Variants in NEGR1 observed in about 807,000 individuals in gnomAD.
NEGR1 encodes the protein neuronal growth regulator 1, also known as IgLON family member 4.
In NEGR1, 10 loss-of-function variants were observed where a neutral mutation model predicts 40.9. That is an observed-to-expected ratio of 0.24 (90% CI 0.15 to 0.42). The LOEUF (loss-of-function observed/expected upper bound fraction) is 0.42. NEGR1 is among the 10% of genes least tolerant of loss of function. The pLI, the probability that NEGR1 is intolerant of heterozygous loss-of-function variation, is 1.00. For missense variants in NEGR1, 352 were observed against 438.9 expected (o/e 0.80, Z 1.77); for synonymous variants, 185 against 166.8 (o/e 1.11, Z -0.84).
chr1:72,217,978 T>C (rs187393524), intron 1 of NEGR1, among the ~76,000 whole-genome samples: 9 of 151,972 alleles, frequency 5.9e-5, no homozygotes, highest in African/African-American at 1.7e-4. Flanking sequence ...AGCTGAGTAA[T>C]TTATAGTTTT....
intron 4 of NEGR1, among the ~76,000 whole-genome samples, chr1:71,690,223 C>T (rs1402770341): frequency 6.6e-6 from 1 of 151,840 alleles, no homozygotes; most frequent in Non-Finnish European, 1.5e-5. Flanking sequence ...ATGGCGAAGA[C>T]CCAAGGGGAT....
intron 1 of NEGR1, among the ~76,000 whole-genome samples, chr1:72,162,356 T>C (rs1370891937): frequency 6.6e-6 from 1 of 151,932 alleles, no homozygotes; most frequent in African/African-American, 2.4e-5. Context: ...TCCCAGCTAC[T>C]TGGGAGGCTG....
chr1:71,898,964 CATATAT>C (rs56183950), intron 2 of NEGR1, among the ~76,000 whole-genome samples: 2 of 95,936 alleles, frequency 2.1e-5, no homozygotes, highest in Non-Finnish European at 3.8e-5. Flanking sequence ...ATATATATAG[CATATAT>C]ATATATATAG....
At chr1:72,185,514 T>A (rs939758445) in intron 1 of NEGR1, among the ~76,000 whole-genome samples, 3 of 151,850 alleles carry the variant, frequency 2.0e-5, no homozygotes, top group African/African-American at 7.2e-5. Context: ...CCAGGAGAGC[T>A]GTAGAATGGC....
chr1:72,030,732 T>A (rs1279831729), intron 1 of NEGR1, among the ~76,000 whole-genome samples: 1 of 152,100 alleles, frequency 6.6e-6, no homozygotes, highest in Non-Finnish European at 1.5e-5. Context: ...GCAAATGTAG[T>A]TACAGTCATT....
chr1:71,566,971 T>C (rs1314545963), intron 6 of NEGR1, among the ~76,000 whole-genome samples: 3 of 152,090 alleles, frequency 2.0e-5, no homozygotes, highest in African/African-American at 7.2e-5. Flanking sequence ...TATGATCTGT[T>C]CACCTCCCAA....
Position 71,407,338 on chromosome 1 carries a change from A to G in NEGR1, c.*108T>C. The G allele has an allele frequency of 1.1e-6, 1 of 925,098 alleles. No individual in the cohort carries two copies. Among genetic ancestry groups the G allele is most frequent in the African/African-American group, 1.7e-5 (1 of 60,016 alleles). 57.3% of individuals were successfully genotyped at this position (925,098 alleles called of 1,614,324 possible). On this transcript the variant is annotated 3_prime_UTR_variant, in exon 7 of 7. Transcript: ENST00000357731. ...CTACAGAAGGCGATCATCCCCATGT[A>G]AGCACTGCTGATTATATCCCACGCT... is the stretch of plus-strand genomic sequence containing the variant.
intron 2 of NEGR1, among the ~76,000 whole-genome samples, chr1:71,810,162 G>T (rs1657943060): frequency 6.6e-6 from 1 of 152,078 alleles, no homozygotes; most frequent in African/African-American, 2.4e-5. Flanking sequence ...AGCAGCTTTG[G>T]GGTAAGGCAG....
chr1:72,013,333 G>T (rs901671795), intron 1 of NEGR1, among the ~76,000 whole-genome samples: 1 of 152,038 alleles, frequency 6.6e-6, no homozygotes, highest in African/African-American at 2.4e-5. Context: ...GTTCTTCCTT[G>T]CATGTCTGCT....
At position 72,068,998 on chromosome 1, in the gene NEGR1, G is replaced by A. The variant is rs982902670; in HGVS notation, c.177-133687C>T. On this transcript the variant is annotated intron_variant, in intron 1 of 6. Transcript: ENST00000357731. ...CGGAAAAATAATTATTTTCCTTAGAGAAATCATTGTGTTTTCTGGTTACTC... is the reference window on the plus strand; with the variant it reads ...CGGAAAAATAATTATTTTCCTTAGAAAAATCATTGTGTTTTCTGGTTACTC... Among the ~76,000 whole-genome samples the A allele has an allele frequency of 4.1e-4, 62 of 152,082 alleles. 1 individual carries two copies. Among genetic ancestry groups the A allele is most frequent in the Non-Finnish European group, 2.9e-5 (2 of 67,996 alleles).
chr1:72,216,404 T>TATATATAC (rs1557582834), intron 1 of NEGR1, among the ~76,000 whole-genome samples: 1,568 of 131,130 alleles, frequency 0.012, 23 homozygotes, highest in African/African-American at 0.048. Flanking sequence ...TATATATACA[T>TATATATAC]ATATATATAT....
At chr1:71,757,852 A>G (rs1655795358) in intron 3 of NEGR1, among the ~76,000 whole-genome samples, 1 of 152,128 alleles carries the variant, frequency 6.6e-6, no homozygotes, top group Admixed American at 6.5e-5. Flanking sequence ...ACATAAGAAC[A>G]CAGTATTCAT....
chr1:72,075,632 C>T (rs1335153899), intron 1 of NEGR1, among the ~76,000 whole-genome samples: 1 of 152,156 alleles, frequency 6.6e-6, no homozygotes, highest in Non-Finnish European at 1.5e-5. Context: ...ATGAATGCTA[C>T]AGATGACTAC....
In NEGR1 at chr1:71,403,481, C is replaced by T. The variant is rs1424410161; in HGVS notation, c.*3965G>A. ...CTAAATAATTAATAATAAAATGTTTCCAGAAAATTTATTTTTAGTTTAGAT... is the reference window on the plus strand; with the variant it reads ...CTAAATAATTAATAATAAAATGTTTTCAGAAAATTTATTTTTAGTTTAGAT... On this transcript the variant is annotated 3_prime_UTR_variant, in exon 7 of 7. Transcript: ENST00000357731. 2 of 158,052 alleles carry T rather than the reference C, an allele frequency of 1.3e-5. No individual in the cohort carries two copies. The highest frequency in any genetic ancestry group is 2.4e-5 in the African/African-American group (1 of 41,878). 9.8% of individuals were successfully genotyped at this position (158,052 alleles called of 1,614,324 possible). A position where few individuals can be genotyped will look rare whatever the true frequency, so the allele number is the denominator to read the frequency against.
chr1:72,041,532 G>A (rs1200906613), intron 1 of NEGR1, among the ~76,000 whole-genome samples: 1 of 150,114 alleles, frequency 6.7e-6, no homozygotes, highest in Admixed American at 6.7e-5. Flanking sequence ...CTAAACAGTG[G>A]GTTAACAACT....
chr1:72,119,078 TTTAC>T (rs1427535232), intron 1 of NEGR1, among the ~76,000 whole-genome samples: 1 of 151,882 alleles, frequency 6.6e-6, no homozygotes, highest in Non-Finnish European at 1.5e-5. Flanking sequence ...TAACTGTTAC[TTTAC>T]TTATTCTAAT....
intron 1 of NEGR1, among the ~76,000 whole-genome samples, chr1:71,968,674 T>C (rs1646231303): frequency 6.6e-6 from 1 of 152,226 alleles, no homozygotes; most frequent in Admixed American, 6.5e-5. Flanking sequence ...TCTATAGGTA[T>C]TATTCTGAAA....
intron 1 of NEGR1, among the ~76,000 whole-genome samples, chr1:71,985,923 C>T (rs746619906): frequency 3.3e-5 from 5 of 152,058 alleles, no homozygotes; most frequent in Non-Finnish European, 7.4e-5. Context: ...CAGGGTTTCT[C>T]ATATTTGAGA....
At chr1:72,181,486 T>C (rs553265879) in intron 1 of NEGR1, among the ~76,000 whole-genome samples, 1 of 152,076 alleles carries the variant, frequency 6.6e-6, no homozygotes, top group Non-Finnish European at 1.5e-5. Context: ...ATAGCCATTA[T>C]GAAAAACACT....
Sources: allele counts gnomAD v4.1 joint callset (sites outside exome capture counted in the v4.1 genomes callset), GRCh38; gene constraint gnomAD v4.1.1; transcripts MANE v1.5; gene names NCBI Gene and HGNC (gene_info 2026-07-23, HGNC 2026-07-21).